APOBR: variants seen among roughly 807,000 people sequenced by gnomAD.
APOBR encodes apoB-48R.
In APOBR, 57 loss-of-function variants were observed where a neutral mutation model predicts 88.5. The ratio of observed to expected loss-of-function variants is 0.64; its 90% CI spans 0.52 to 0.80. The LOEUF is 0.80. APOBR is among the 30% of genes least tolerant of loss of function. The pLI is 0.00. For synonymous variants in APOBR, 588 were observed against 572.7 expected (o/e 1.03, Z -0.38); for missense variants, 1,443 against 1,401.6 (o/e 1.03, Z -0.47).
rs754121233 is a variant in APOBR, at chr16:28,497,936, A to G, written c.2895A>G (p.Glu965=). Residue 965 remains glutamate, a synonymous_variant, in exon 2 of 4, where the codon GAA becomes GAG. Transcript: ENST00000564831. ...AAGCTGCGCCGGAGTCAGTCGGGGA[A>G]GCCGAGACGGCTGAGGCCATGGGCA... ...PAEAAPESVG[E]AETAEAMGSA... 1.9e-6 allele frequency: 3 copies of G among 1,613,284 alleles called. No individual in the cohort carries two copies. The highest frequency in any genetic ancestry group is 1.3e-5 in the African/African-American group (1 of 74,964).
chr16:28,498,166 G>GGCC lies in APOBR; in HGVS notation c.3042_3044dup (p.Pro1015dup), dbSNP rs1567269214. 1 of 1,601,594 alleles carries GGCC rather than the reference G, an allele frequency of 6.2e-7. No individual in the cohort carries two copies. Among genetic ancestry groups the GGCC allele is most frequent in the East Asian group, 2.2e-5 (1 of 44,794 alleles). On this transcript the variant is annotated inframe_insertion, in exon 3 of 4. Coordinates refer to ENST00000564831, the MANE Select transcript of APOBR (RefSeq NM_018690.4). ...AGAAGCTCCTCACAGCGTCGCTCCC[G>GGCC]GCCCTCTTTTCGTCGGACTCCGGCC...
At position 28,495,907 on chromosome 16, in the gene APOBR, G is replaced by T. The variant is rs1196244743; in HGVS notation, c.866G>T (p.Arg289Met). ...GREEARTTPG[R>M]EEARAILDGE... ...GAGGAGGCCAGGACAACCCCAGGTA[G>T]GGAAGAGGCCAGGGCAATTTTAGAT... The change falls in exon 2 of 4, where the codon AGG becomes ATG. Residue 289 changes from arginine to methionine, a missense_variant. Arg to Met is a moderately conservative substitution (Grantham distance 91). Transcript: ENST00000564831. The T allele has an allele frequency of 6.2e-7, 1 of 1,612,434 alleles. No homozygotes were observed. The highest frequency in any genetic ancestry group is 1.1e-5 in the South Asian group (1 of 90,782).
chr16:28,495,062 C>T (rs765224967), intron 1 of APOBR, 37 bp from the exon 2 acceptor site: 28 of 1,463,408 alleles, frequency 1.9e-5, no homozygotes, highest in Non-Finnish European at 2.3e-5. Context: ...TGGGACTCTC[C>T]TCAATGACTC....
In APOBR at chr16:28,495,936, G is replaced by C; in HGVS notation, c.895G>C (p.Glu299Gln). The change falls in exon 2 of 4, where the codon GAG (glutamate) becomes CAG (glutamine). Residue 299 changes from glutamate (E) to glutamine (Q), a missense_variant. Transcript: ENST00000564831. ...AGAGGCCAGGGCAATTTTAGATGGG[G>C]AGGAAGCCAGGACAATCTCAGGCGG... The part of the protein sequence containing the change: ...REEARAILDG[E>Q]EARTISGGEE... 6.2e-7 allele frequency: 1 copy of C among 1,613,272 alleles called. No homozygotes were observed. The highest frequency in any genetic ancestry group is 8.5e-7 in the Non-Finnish European group (1 of 1,179,666).
Position 28,495,481 on chromosome 16 carries a change from G to T in APOBR, c.440G>T (p.Gly147Val). The T allele has an allele frequency of 6.4e-7, 1 of 1,565,230 alleles. No homozygotes were observed. The highest frequency in any genetic ancestry group is 8.7e-7 in the Non-Finnish European group (1 of 1,155,108). ...EARKKSKAGS[G>V]ACQDRSGQAQ... ...AGAAAGAAATCCAAGGCAGGGTCTG[G>T]GGCTTGCCAAGACAGGAGCGGCCAA... The change falls in exon 2 of 4, where the codon GGG becomes GTG. Residue 147 changes from glycine to valine, a missense_variant. By Grantham distance (109) the Gly-to-Val change is moderately radical (BLOSUM62 -3). Transcript: ENST00000564831.
chr16:28,496,490 C>T lies in APOBR; in HGVS notation c.1449C>T (p.Ala483=). 1 of 1,601,268 alleles carries T rather than the reference C, an allele frequency of 6.2e-7. No individual in the cohort carries two copies. The highest frequency in any genetic ancestry group is 1.7e-5 in the Admixed American group (1 of 58,122). ...ACTTGGGGATCAGGGCCGACCGGGC[C>T]AGGATGGAAGAGCTGGTACAGGCAG... is the stretch of plus-strand genomic sequence containing the variant. The part of the protein sequence containing the change: ...RQDLGIRADR[A]RMEELVQAEE... Residue 483 remains alanine, a synonymous_variant, in exon 2 of 4, where the codon GCC becomes GCT. Transcript: ENST00000564831.
In APOBR at chr16:28,495,501, G is replaced by A. The variant is rs762310359; in HGVS notation, c.460G>A (p.Gly154Ser). The A allele has an allele frequency of 2.5e-5, 40 of 1,568,992 alleles. 1 individual carries two copies. The South Asian group carries it at 4.1e-4, about 16-fold the overall frequency. The change falls in exon 2 of 4, where the codon GGC becomes AGC. Residue 154 changes from glycine (G) to serine (S), a missense_variant. Transcript: ENST00000564831. ...AGSGACQDRS[G>S]QAQERQESHE... ...GTCTGGGGCTTGCCAAGACAGGAGCGGCCAAGCCCAGGAGAGGCAGGAGTC... is the reference window on the plus strand; with the variant it reads ...GTCTGGGGCTTGCCAAGACAGGAGCAGCCAAGCCCAGGAGAGGCAGGAGTC...
Position 28,495,876 on chromosome 16 carries a change from G to A in APOBR, c.835G>A (p.Gly279Ser), listed in dbSNP as rs757964944. The A allele has an allele frequency of 3.0e-5, 48 of 1,611,104 alleles. No individual in the cohort carries two copies. In the East Asian group the frequency reaches 1.0e-3, roughly 34 times the overall value. ...AGAGCCTGAGGACTGGGGAATCTTAGGCAGAGAGGAGGCCAGGACAACCCC... is the reference window on the plus strand; with the variant it reads ...AGAGCCTGAGGACTGGGGAATCTTAAGCAGAGAGGAGGCCAGGACAACCCC... Reference protein sequence around the residue: ...GAEPEDWGILGREEARTTPGR... With the variant: ...GAEPEDWGILSREEARTTPGR... Residue 279 changes from glycine to serine, a missense_variant, in exon 2 of 4, where the codon GGC (glycine) becomes AGC (serine). Physicochemically the swap from Gly to Ser is moderately conservative, Grantham distance 56. Transcript: ENST00000564831.
At chr16:28,498,375 G>A (rs1299408147) in intron 3 of APOBR, 26 bp downstream of exon 3, 3 of 1,598,868 alleles carry the variant, frequency 1.9e-6, no homozygotes, top group Admixed American at 1.7e-5. Flanking sequence ...CTCAGCTGGG[G>A]TGGGGAAGAG....
chr16:28,496,331 C>G lies in APOBR; in HGVS notation c.1290C>G (p.Val430=), dbSNP rs775113442. The G allele has an allele frequency of 6.6e-5, 104 of 1,587,108 alleles. No individual in the cohort carries two copies. Among genetic ancestry groups the G allele is most frequent in the Non-Finnish European group, 8.1e-5 (94 of 1,167,122 alleles). The change falls in exon 2 of 4, where the codon GTC becomes GTG. Residue 430 remains valine (V), a synonymous_variant. Coordinates refer to ENST00000564831, the MANE Select transcript of APOBR (RefSeq NM_018690.4). ...GCCCTTTCCCCAAACAGCCCCAGGT[C>G]CTGGGCACTGAAAGAACAGAAGAGG... ...EVSPFPKQPQ[V]LGTERTEEAA... is the part of the protein sequence containing the mutation.
In APOBR at chr16:28,496,187, C is replaced by T; in HGVS notation, c.1146C>T (p.Asp382=). 1.9e-6 allele frequency: 3 copies of T among 1,563,996 alleles called. No homozygotes were observed. Among genetic ancestry groups the T allele is most frequent in the Non-Finnish European group, 2.6e-6 (3 of 1,157,616 alleles). ...CAACCTCAGGCAAAGAGGAGGCTGA[C>T]CTGCTGGGAGTCAGACAGACAGAAT... ...AWTTSGKEEA[D]LLGVRQTEYG... Residue 382 remains aspartate (D), a synonymous_variant, in exon 2 of 4, where the codon GAC becomes GAT. Coordinates refer to ENST00000564831, the MANE Select transcript of APOBR (RefSeq NM_018690.4).
rs1368723077 is a variant in APOBR at position 28,498,122 on chromosome 16, G to A, written c.2997G>A (p.Arg999=). The A allele has an allele frequency of 6.3e-7, 1 of 1,591,392 alleles. No individual in the cohort carries two copies. The highest frequency in any genetic ancestry group is 8.5e-7 in the Non-Finnish European group (1 of 1,173,686). The change falls in exon 3 of 4, where the codon AGG becomes AGA. Residue 999 remains arginine (R), a synonymous_variant. Transcript: ENST00000564831. Reference sequence around the variant, plus strand: ...CCCTCCTAGACGTCTCTGTCCCAAGGAGTCGCGTGCACCTCTCGAGAAGCT... The same window carrying A: ...CCCTCCTAGACGTCTCTGTCCCAAGAAGTCGCGTGCACCTCTCGAGAAGCT... ...PGSLLDVSVP[R]SRVHLSRSSS...
In APOBR at chr16:28,497,015, G is replaced by A. The variant is rs1261660243; in HGVS notation, c.1974G>A (p.Leu658=). The A allele has an allele frequency of 6.3e-7, 1 of 1,576,076 alleles. No individual in the cohort carries two copies. Among genetic ancestry groups the A allele is most frequent in the African/African-American group, 1.3e-5 (1 of 74,278 alleles). The change falls in exon 2 of 4, where the codon CTG becomes CTA. Residue 658 remains leucine (L), a synonymous_variant. Coordinates refer to ENST00000564831, the MANE Select transcript of APOBR (RefSeq NM_018690.4). ...EEEETAGGQT[L]AAEAEGDRES... is the part of the protein sequence containing the mutation. The stretch of plus-strand genomic sequence containing the variant: ...AGGAGACTGCGGGAGGCCAGACCCT[G>A]GCGGCTGAGGCTGAAGGAGACCGAG...
At position 28,498,223 on chromosome 16, in the gene APOBR, A is replaced by T; in HGVS notation, c.3098A>T (p.Asn1033Ile). ...CAGCAGGAGGAGCCCCCAGCCCCCAACCCTCCTGAGGAGGAGCTGTCAGCT... is the reference window on the plus strand; with the variant it reads ...CAGCAGGAGGAGCCCCCAGCCCCCATCCCTCCTGAGGAGGAGCTGTCAGCT... The part of the protein sequence containing the change: ...WEQQEEPPAP[N>I]PPEEELSAPE... Residue 1033 changes from asparagine (N) to isoleucine (I), a missense_variant, in exon 3 of 4, where the codon AAC becomes ATC. Transcript: ENST00000564831. 3.1e-6 allele frequency: 5 copies of T among 1,606,922 alleles called. No individual in the cohort carries two copies. Among genetic ancestry groups the T allele is most frequent in the Non-Finnish European group, 4.2e-6 (5 of 1,178,194 alleles).
rs756189007 is a variant in APOBR at position 28,498,518 on chromosome 16, G to A, written c.*13G>A. On this transcript the variant is annotated 3_prime_UTR_variant, in exon 4 of 4. Coordinates refer to ENST00000564831, the MANE Select transcript of APOBR (RefSeq NM_018690.4). ...TAAGCCCCAGTGACTGAGACCCGGT[G>A]CTCTGGGAGCCAGGCCCTGAGTGGG... 1 of 1,581,240 alleles carries A rather than the reference G, an allele frequency of 6.3e-7. No individual in the cohort carries two copies. Among genetic ancestry groups the A allele is most frequent in the South Asian group, 1.2e-5 (1 of 86,462 alleles).
rs762310359 is a variant in APOBR, at chr16:28,495,501, G to T, written c.460G>T (p.Gly154Cys). ...AGSGACQDRS[G>C]QAQERQESHE... ...GTCTGGGGCTTGCCAAGACAGGAGC[G>T]GCCAAGCCCAGGAGAGGCAGGAGTC... is the stretch of plus-strand genomic sequence containing the variant. The change falls in exon 2 of 4, where the codon GGC becomes TGC. Residue 154 changes from glycine to cysteine, a missense_variant. By Grantham distance (159) the Gly-to-Cys change is radical (BLOSUM62 -3). Transcript: ENST00000564831. The T allele has an allele frequency of 1.9e-6, 3 of 1,568,874 alleles. No individual in the cohort carries two copies. Among genetic ancestry groups the T allele is most frequent in the South Asian group, 1.2e-5 (1 of 85,236 alleles).
Position 28,496,603 on chromosome 16 carries a change from A to G in APOBR, c.1562A>G (p.Glu521Gly). 1 of 1,572,344 alleles carries G rather than the reference A, an allele frequency of 6.4e-7. No homozygotes were observed. The highest frequency in any genetic ancestry group is 8.6e-7 in the Non-Finnish European group (1 of 1,157,936). Reference sequence around the variant, plus strand: ...GAGGCTGAAGGCACTGCCGACTTGGAGGCAACTCCAGAGGCCAGGCCTGAG... The same window carrying G: ...GAGGCTGAAGGCACTGCCGACTTGGGGGCAACTCCAGAGGCCAGGCCTGAG... ...DGEAEGTADL[E>G]ATPEARPEEE... is the part of the protein sequence containing the mutation. Residue 521 changes from glutamate (E) to glycine (G), a missense_variant, in exon 2 of 4, where the codon GAG (glutamate) becomes GGG (glycine). Glu to Gly is a moderately conservative substitution (Grantham distance 98). Coordinates refer to ENST00000564831, the MANE Select transcript of APOBR (RefSeq NM_018690.4).
At position 28,495,889 on chromosome 16, in the gene APOBR, C is replaced by A. The variant is rs746885439; in HGVS notation, c.848C>A (p.Ala283Asp). ...EDWGILGREE[A>D]RTTPGREEAR... ...TGGGGAATCTTAGGCAGAGAGGAGG[C>A]CAGGACAACCCCAGGTAGGGAAGAG... Residue 283 changes from alanine (A) to aspartate (D), a missense_variant, in exon 2 of 4, where the codon GCC (alanine) becomes GAC (aspartate). By Grantham distance (126) the Ala-to-Asp change is moderately radical. Coordinates refer to ENST00000564831, the MANE Select transcript of APOBR (RefSeq NM_018690.4). 6.2e-7 allele frequency: 1 copy of A among 1,611,378 alleles called. No individual in the cohort carries two copies. Among genetic ancestry groups the A allele is most frequent in the Admixed American group, 1.7e-5 (1 of 59,518 alleles).
chr16:28,498,318 G>A lies in APOBR; in HGVS notation c.3193G>A (p.Val1065Met). ...PSPLRHDGTPVPARRRPLGHG... is the reference protein window; with the variant it reads ...PSPLRHDGTPMPARRRPLGHG... ...CCCTCTGAGGCATGATGGGACCCCG[G>A]TGCCAGCCAGGAGAAGGCCCCTGGG... Residue 1065 changes from valine (V) to methionine (M), a missense_variant, in exon 3 of 4, where the codon GTG (valine) becomes ATG (methionine). Transcript: ENST00000564831. 6.3e-7 allele frequency: 1 copy of A among 1,599,416 alleles called. No homozygotes were observed. Among genetic ancestry groups the A allele is most frequent in the Non-Finnish European group, 8.5e-7 (1 of 1,172,440 alleles).
Sources: allele counts gnomAD v4.1 joint callset, GRCh38; gene constraint gnomAD v4.1.1; transcripts MANE v1.5; gene names NCBI Gene and HGNC (gene_info 2026-07-23, HGNC 2026-07-21).